The following EFNA5 variants were observed in gnomAD, a reference collection of about 807,000 sequenced individuals.
EFNA5 encodes the protein ephrin-A5.
EFNA5 carries 5 observed loss-of-function variants against 22.9 expected under a neutral mutation model. The ratio of observed to expected loss-of-function variants is 0.22; its 90% CI spans 0.11 to 0.46. EFNA5 has a LOEUF of 0.46. Among genes scored for constraint, EFNA5 ranks in the 20% least tolerant of loss-of-function variants. EFNA5 has a pLI of 0.99. For synonymous variants in EFNA5, 113 were observed against 112.2 expected (o/e 1.01, Z -0.04); for missense variants, 237 against 293.3 (o/e 0.81, Z 1.40).
At chr5:107,581,859 A>T (rs1484600152) in intron 1 of EFNA5, among the ~76,000 whole-genome samples, 2 of 152,220 alleles carry the variant, frequency 1.3e-5, no homozygotes, top group East Asian at 3.9e-4. Flanking sequence ...AGCAGCAAAA[A>T]CATCTCTGCT....
intron 1 of EFNA5, among the ~76,000 whole-genome samples, chr5:107,516,673 T>A (rs1342995366): frequency 6.6e-6 from 1 of 152,204 alleles, no homozygotes; most frequent in Non-Finnish European, 1.5e-5. Flanking sequence ...CTGGGAAGCT[T>A]ATGATGATGG....
chr5:107,472,590 C>T (rs564444159), intron 1 of EFNA5, among the ~76,000 whole-genome samples: 20 of 152,172 alleles, frequency 1.3e-4, no homozygotes, highest in Non-Finnish European at 2.5e-4. Flanking sequence ...ATAAACTTTG[C>T]CCAAAGGACA....
At chr5:107,452,147 G>A (rs1749575820) in intron 1 of EFNA5, among the ~76,000 whole-genome samples, 1 of 152,046 alleles carries the variant, frequency 6.6e-6, no homozygotes, top group Non-Finnish European at 1.5e-5. Flanking sequence ...TCACTCATAA[G>A]TAGGAGCTGA....
At chr5:107,512,434 A>G (rs1388930399) in intron 1 of EFNA5, among the ~76,000 whole-genome samples, 2 of 152,088 alleles carry the variant, frequency 1.3e-5, no homozygotes, top group Non-Finnish European at 2.9e-5. Flanking sequence ...ACACAACCTG[A>G]AATCAATACT....
chr5:107,451,013 T>A (rs1382709854), intron 1 of EFNA5, among the ~76,000 whole-genome samples: 3 of 152,250 alleles, frequency 2.0e-5, no homozygotes, highest in Non-Finnish European at 4.4e-5. Context: ...CTTTGCAATG[T>A]CTAGAGGACC....
intron 1 of EFNA5, among the ~76,000 whole-genome samples, chr5:107,486,768 C>CT (rs1354693173): frequency 3.9e-5 from 6 of 152,224 alleles, no homozygotes; most frequent in African/African-American, 1.4e-4. Flanking sequence ...TTAATAAACT[C>CT]TGTCAAACCC....
intron 4 of EFNA5, among the ~76,000 whole-genome samples, chr5:107,387,020 T>C (rs531123991): frequency 1.3e-5 from 2 of 152,266 alleles, no homozygotes; most frequent in East Asian, 3.9e-4. Flanking sequence ...TCAAACCCAT[T>C]CCAAAAAAGA....
Position 107,442,942 on chromosome 5 carries a change from A to C in EFNA5, c.126-15433T>G, listed in dbSNP as rs918354949. Among the ~76,000 whole-genome samples, 76 of 151,804 alleles carry C rather than the reference A, an allele frequency of 5.0e-4. 1 individual carries two copies. The highest frequency in any genetic ancestry group is 3.4e-3 in the Middle Eastern group (1 of 290). ...TTCCCCAGGTACTAAAAAAAAAAAA[A>C]AAAAAAAAAAACCCTGTGAATTATA... On this transcript the variant is annotated intron_variant, in intron 1 of 4. Coordinates refer to ENST00000333274, the MANE Select transcript of EFNA5 (RefSeq NM_001962.3).
intron 1 of EFNA5, among the ~76,000 whole-genome samples, chr5:107,458,454 G>A (rs1483431483): frequency 6.6e-6 from 1 of 151,892 alleles, no homozygotes; most frequent in African/African-American, 2.4e-5. Context: ...CCGAGTCAAA[G>A]TTTGAGCAGG....
At chr5:107,514,247 G>A (rs1255331688) in intron 1 of EFNA5, among the ~76,000 whole-genome samples, 1 of 152,164 alleles carries the variant, frequency 6.6e-6, no homozygotes, top group African/African-American at 2.4e-5. Context: ...TCATCAGGTA[G>A]AGGTTTTCTT....
intron 1 of EFNA5, among the ~76,000 whole-genome samples, chr5:107,480,711 C>A (rs1393806899): frequency 6.6e-6 from 1 of 152,114 alleles, no homozygotes; most frequent in Non-Finnish European, 1.5e-5. Flanking sequence ...TGGGGATACA[C>A]AGAAGCCAGG....
At chr5:107,644,175 G>A (rs1750583416) in intron 1 of EFNA5, among the ~76,000 whole-genome samples, 1 of 152,052 alleles carries the variant, frequency 6.6e-6, no homozygotes, top group East Asian at 1.9e-4. Flanking sequence ...GAAAGATGCA[G>A]GCGGAAGGTT....
At chr5:107,533,246 G>C (rs149744946) in intron 1 of EFNA5, among the ~76,000 whole-genome samples, 1 of 152,094 alleles carries the variant, frequency 6.6e-6, no homozygotes, top group Non-Finnish European at 1.5e-5. Flanking sequence ...CACTGCTCTC[G>C]ATATGAAGCG....
rs536764348 is a variant in EFNA5 at position 107,381,674 on chromosome 5, G to A, written c.566-298C>T. Among the ~76,000 whole-genome samples, 14 of 152,016 alleles carry A rather than the reference G, an allele frequency of 9.2e-5. No homozygotes were observed. In the South Asian group the frequency reaches 1.7e-3, roughly 18 times the overall value. On this transcript the variant is annotated intron_variant, in intron 4 of 4. Transcript: ENST00000333274. ...CTTTGGTTAGCCAGCAGTCAGACAC[G>A]CCTTGCACAAATTTCAGATATCTGA...
intron 1 of EFNA5, among the ~76,000 whole-genome samples, chr5:107,528,537 T>G (rs900555599): frequency 6.6e-6 from 1 of 152,212 alleles, no homozygotes; most frequent in East Asian, 1.9e-4. Flanking sequence ...ATATGTGTAC[T>G]GTGAGTTTAA....
chr5:107,591,373 G>A (rs946247422), intron 1 of EFNA5, among the ~76,000 whole-genome samples: 3 of 152,094 alleles, frequency 2.0e-5, no homozygotes, highest in African/African-American at 7.2e-5. Context: ...CTGGAGGTGG[G>A]AGCTGTACTC....
At chr5:107,506,400 T>A (rs1024952185) in intron 1 of EFNA5, among the ~76,000 whole-genome samples, 4 of 152,226 alleles carry the variant, frequency 2.6e-5, no homozygotes, top group African/African-American at 7.2e-5. Context: ...TTGGTGTAAG[T>A]ATTTGTGTTT....
chr5:107,456,419 C>T (rs529478330), intron 1 of EFNA5, among the ~76,000 whole-genome samples: 1 of 152,246 alleles, frequency 6.6e-6, no homozygotes, highest in African/African-American at 2.4e-5. Flanking sequence ...TGTCATCTAT[C>T]CATGCAGGCT....
At chr5:107,556,526 A>G (rs1185452609) in intron 1 of EFNA5, among the ~76,000 whole-genome samples, 1 of 152,110 alleles carries the variant, frequency 6.6e-6, no homozygotes, top group Non-Finnish European at 1.5e-5. Context: ...CGGGTGGATC[A>G]CTTGAGGTCA....
Sources: gnomAD v4.1 joint callset for allele counts (sites outside exome capture counted in the v4.1 genomes callset) on GRCh38, gnomAD v4.1.1 for gene constraint, MANE v1.5 for transcripts, NCBI Gene and HGNC (gene_info 2026-07-23, HGNC 2026-07-21) for gene names.